The following KAZN variants were observed in gnomAD, a reference collection of about 807,000 sequenced individuals.
KAZN encodes kazrin, periplakin interacting protein, also known as kazrin.
Under a neutral mutation model 87.4 loss-of-function variants are expected in KAZN, and 40 were observed. The observed-to-expected ratio is 0.46, with a 90% confidence interval of 0.36 to 0.60. The LOEUF (loss-of-function observed/expected upper bound fraction) is 0.60, where lower values mean the gene tolerates loss of function less well. KAZN is among the 20% of genes least tolerant of loss of function. KAZN has a pLI of 0.00. For synonymous variants in KAZN, 466 were observed against 458.3 expected, an observed-to-expected ratio of 1.02 and a Z score of -0.22; for missense variants, 898 against 1,073.9, an observed-to-expected ratio of 0.84 and a Z score of 2.29.
intron 4 of KAZN, among the ~76,000 whole-genome samples, chr1:15,054,783 C>T (rs998146121): frequency 3.3e-5 from 5 of 152,366 alleles, no homozygotes; most frequent in East Asian, 1.9e-4. Context: ...GGAGATAACA[C>T]AGCTGAAAGA....
chr1:14,101,910 C>T (rs750172266), intron 1 of KAZN, among the ~76,000 whole-genome samples: 48 of 152,118 alleles, frequency 3.2e-4, no homozygotes, highest in Non-Finnish European at 5.1e-4. Flanking sequence ...TTAGCCCAGA[C>T]AGTAACATGC....
chr1:14,780,356 G>A (rs1480633734), intron 1 of KAZN, among the ~76,000 whole-genome samples: 5 of 152,106 alleles, frequency 3.3e-5, no homozygotes, highest in African/African-American at 1.2e-4. Flanking sequence ...GGCATTTGGA[G>A]GTTGAGTGTC....
At chr1:14,475,308 G>T (rs1406967820) in intron 2 of KAZN, among the ~76,000 whole-genome samples, 4 of 152,156 alleles carry the variant, frequency 2.6e-5, no homozygotes, top group African/African-American at 9.7e-5. Flanking sequence ...CTTGAAGAAG[G>T]AATTAATTAA....
At chr1:14,935,392 C>T (rs1660330729) in intron 1 of KAZN, among the ~76,000 whole-genome samples, 1 of 152,158 alleles carries the variant, frequency 6.6e-6, no homozygotes, top group Admixed American at 6.5e-5. Flanking sequence ...TCCTTTGTGC[C>T]TTTGCCCCCA....
intron 2 of KAZN, among the ~76,000 whole-genome samples, chr1:14,418,470 T>C (rs571030521): frequency 6.6e-6 from 1 of 152,228 alleles, no homozygotes; most frequent in African/African-American, 2.4e-5. Context: ...GGAAATAACA[T>C]TCTACCTCTA....
intron 4 of KAZN, among the ~76,000 whole-genome samples, chr1:15,055,370 G>T (rs776619615): frequency 6.6e-6 from 1 of 152,182 alleles, no homozygotes; most frequent in Admixed American, 6.5e-5. Flanking sequence ...CTAGCTACAC[G>T]TGAGGTTGAG....
intron 1 of KAZN, among the ~76,000 whole-genome samples, chr1:14,651,336 G>A (rs564697967): frequency 1.4e-4 from 22 of 152,320 alleles, no homozygotes; most frequent in African/African-American, 5.3e-4. Flanking sequence ...GTGAGTGGGG[G>A]ATCTCTATAC....
intron 1 of KAZN, among the ~76,000 whole-genome samples, chr1:14,685,311 C>T (rs914390739): frequency 2.0e-5 from 3 of 152,192 alleles, no homozygotes; most frequent in African/African-American, 7.2e-5. Flanking sequence ...GGTATTTATA[C>T]ACCAATTCCC....
At chr1:14,908,717 C>T (rs1217487410) in intron 1 of KAZN, among the ~76,000 whole-genome samples, 1 of 150,024 alleles carries the variant, frequency 6.7e-6, no homozygotes, top group Non-Finnish European at 1.5e-5. Context: ...GACCCTGGCT[C>T]AAAAAGAACA....
At chr1:13,998,685 C>T (rs987901074) in intron 1 of KAZN, among the ~76,000 whole-genome samples, 10 of 151,836 alleles carry the variant, frequency 6.6e-5, no homozygotes, top group African/African-American at 2.2e-4. Context: ...AATATATATG[C>T]ACCCAATACA....
intron 2 of KAZN, among the ~76,000 whole-genome samples, chr1:14,536,379 T>G (rs1672506218): frequency 2.0e-5 from 3 of 152,224 alleles, no homozygotes. Flanking sequence ...CTGGAGGCTC[T>G]GGTACTATTT....
chr1:14,150,163 C>A (rs551824653), intron 1 of KAZN, among the ~76,000 whole-genome samples: 132 of 152,284 alleles, frequency 8.7e-4, no homozygotes, highest in African/African-American at 3.2e-3. Context: ...GAAGGACTTG[C>A]CAAAGGTTAC....
At chr1:14,041,434 T>G (rs962714507) in intron 1 of KAZN, among the ~76,000 whole-genome samples, 2 of 152,218 alleles carry the variant, frequency 1.3e-5, no homozygotes, top group Admixed American at 1.3e-4. Context: ...TTATTTCAAG[T>G]CTTTATCTTA....
chr1:14,673,645 G>A (rs560410023), intron 1 of KAZN, among the ~76,000 whole-genome samples: 4 of 152,290 alleles, frequency 2.6e-5, no homozygotes, highest in Admixed American at 2.6e-4. Flanking sequence ...GCTGCCTCAA[G>A]GATGCAGGCT....
intron 1 of KAZN, among the ~76,000 whole-genome samples, chr1:14,868,640 G>A (rs1040183608): frequency 6.6e-6 from 1 of 151,568 alleles, no homozygotes; most frequent in Non-Finnish European, 1.5e-5. Context: ...GAATCTAGTA[G>A]GCTCCTCTGC....
chr1:14,983,161 C>T (rs972992531), intron 2 of KAZN, among the ~76,000 whole-genome samples: 14 of 152,174 alleles, frequency 9.2e-5, no homozygotes, highest in South Asian at 2.1e-4. Flanking sequence ...TTCACCCATC[C>T]GCAGTGCCAG....
rs961743001 is a variant in KAZN at position 14,820,770 on chromosome 1, G to C, written c.227-139914G>C. ...GTCATGGTTTGGTTTGAATGGAGTA[G>C]AAGATTCCAGAGGAAGAGCAGTGGG... On this transcript the variant is annotated intron_variant, in intron 1 of 14. Transcript: ENST00000376030. The surrounding 1 kb of genome is among the most constrained non-coding windows in gnomAD (Gnocchi z 4.1). Among the ~76,000 whole-genome samples, 1 of 152,234 alleles carries C rather than the reference G, an allele frequency of 6.6e-6. No individual in the cohort carries two copies. The highest frequency in any genetic ancestry group is 2.4e-5 in the African/African-American group (1 of 41,460).
intron 1 of KAZN, among the ~76,000 whole-genome samples, chr1:14,653,845 A>G (rs1418718620): frequency 1.3e-5 from 2 of 152,202 alleles, no homozygotes; most frequent in African/African-American, 4.8e-5. Flanking sequence ...GGCTTTCTCA[A>G]CTGCAGTGCT....
chr1:14,081,006 C>A (rs1331633361), intron 1 of KAZN, among the ~76,000 whole-genome samples: 1 of 152,070 alleles, frequency 6.6e-6, no homozygotes, highest in East Asian at 1.9e-4. Context: ...GACCCTTCCC[C>A]TAAGAAAACC....
Sources: allele counts gnomAD v4.1 joint callset (sites outside exome capture counted in the v4.1 genomes callset), GRCh38; gene constraint gnomAD v4.1.1; non-coding constraint Gnocchi (gnomAD v3.1); transcripts MANE v1.5; gene names NCBI Gene and HGNC (gene_info 2026-07-23, HGNC 2026-07-21).